CRK: variants seen among roughly 807,000 people sequenced by gnomAD.
The protein encoded by CRK is CRK proto-oncogene, adaptor protein, also known as adapter molecule crk.
Under a neutral mutation model 29.8 loss-of-function variants are expected in CRK, and 4 were observed. That is an observed-to-expected ratio of 0.13 (90% CI 0.07 to 0.31). CRK has a LOEUF of 0.31. CRK is among the 10% of genes least tolerant of loss of function. CRK has a pLI of 1.00. For synonymous variants in CRK, 153 were observed against 164.9 expected, an observed-to-expected ratio of 0.93 and a Z score of 0.55; for missense variants, 274 against 396.5, an observed-to-expected ratio of 0.69 and a Z score of 2.62.
intron 1 of CRK, among the ~76,000 whole-genome samples, chr17:1,437,810 T>C (rs1445945338): frequency 6.7e-6 from 1 of 150,104 alleles, no homozygotes; most frequent in African/African-American, 2.5e-5. Flanking sequence ...CCCACCACCA[T>C]GACAAGCTAA....
intron 1 of CRK, among the ~76,000 whole-genome samples, chr17:1,442,553 A>G (rs187988939): frequency 8.0e-4 from 120 of 149,698 alleles, no homozygotes; most frequent in African/African-American, 2.8e-3. Flanking sequence ...GCATCCAGCC[A>G]TTATTAATTT....
intron 2 of CRK, among the ~76,000 whole-genome samples, chr17:1,431,508 T>A (rs1464007077): frequency 6.6e-6 from 1 of 151,724 alleles, no homozygotes; most frequent in Non-Finnish European, 1.5e-5. Flanking sequence ...GGTCACGAGG[T>A]CAGGAGATCG....
intron 1 of CRK, among the ~76,000 whole-genome samples, chr17:1,442,907 T>C (rs1312616879): frequency 6.6e-6 from 1 of 151,124 alleles, no homozygotes; most frequent in African/African-American, 2.4e-5. Context: ...GTGCCTGGTA[T>C]GTGACAGGGT....
chr17:1,446,650 G>A (rs2073977237), intron 1 of CRK, among the ~76,000 whole-genome samples: 1 of 143,176 alleles, frequency 7.0e-6, no homozygotes, highest in African/African-American at 2.6e-5. Context: ...GGACTGCAGT[G>A]GCGCCATCTC....
intron 2 of CRK, among the ~76,000 whole-genome samples, chr17:1,426,002 CAA>C (rs1368908132): frequency 2.0e-5 from 3 of 152,070 alleles, no homozygotes; most frequent in African/African-American, 4.8e-5. Flanking sequence ...GCAGCCCTGG[CAA>C]AAGAGTGAGA....
chr17:1,452,025 C>T lies in CRK; in HGVS notation c.241+3852G>A, dbSNP rs190321677. Among the ~76,000 whole-genome samples the T allele has an allele frequency of 7.0e-3, 1,070 of 152,108 alleles. 8 individuals carry two copies. The highest frequency in any genetic ancestry group is 0.03 in the South Asian group (147 of 4,820). Reference sequence around the variant, plus strand: ...ACAAAAAACACCAAGTCTTAGACTCCAGGGCAGAGGCAAAGTATTGAGGAT... The same window carrying T: ...ACAAAAAACACCAAGTCTTAGACTCTAGGGCAGAGGCAAAGTATTGAGGAT... On this transcript the variant is annotated intron_variant, in intron 1 of 2. Coordinates refer to ENST00000300574, the MANE Select transcript of CRK (RefSeq NM_016823.4).
intron 1 of CRK, among the ~76,000 whole-genome samples, chr17:1,440,464 TAAAAAA>T (rs1280310960): frequency 6.6e-6 from 1 of 151,192 alleles, no homozygotes; most frequent in African/African-American, 2.4e-5. Flanking sequence ...CCTTGACTCT[TAAAAAA>T]AGAAAAAATA....
intron 2 of CRK, chr17:1,424,721 C>T (rs1246052410): frequency 1.3e-5 from 2 of 152,218 alleles, no homozygotes; most frequent in Non-Finnish European, 2.9e-5. Flanking sequence ...TCAAAAAAAC[C>T]AACCATGGCC....
intron 1 of CRK, among the ~76,000 whole-genome samples, chr17:1,446,084 A>C (rs767371338): frequency 4.6e-5 from 7 of 152,144 alleles, no homozygotes; most frequent in Admixed American, 1.3e-4. Context: ...TAATAAGCCT[A>C]ACTCTGAAGT....
intron 1 of CRK, among the ~76,000 whole-genome samples, chr17:1,450,252 T>TA (rs571763913): frequency 6.6e-6 from 1 of 152,112 alleles, no homozygotes; most frequent in South Asian, 2.1e-4. Context: ...CTCAGGCCTG[T>TA]AATCCCAGCA....
At chr17:1,433,198 T>C (rs2073860066) in intron 2 of CRK, among the ~76,000 whole-genome samples, 1 of 152,150 alleles carries the variant, frequency 6.6e-6, no homozygotes, top group African/African-American at 2.4e-5. Flanking sequence ...GGTATCAATG[T>C]TTGGAATTCA....
At chr17:1,434,864 C>T (rs559480678) in intron 2 of CRK, among the ~76,000 whole-genome samples, 1 of 148,624 alleles carries the variant, frequency 6.7e-6, no homozygotes, top group Non-Finnish European at 1.5e-5. Context: ...AATCATAAAA[C>T]TAGTTTTCTA....
chr17:1,430,145 A>C (rs1423830176), intron 2 of CRK, among the ~76,000 whole-genome samples: 2 of 143,460 alleles, frequency 1.4e-5, no homozygotes, highest in African/African-American at 2.6e-5. Flanking sequence ...CCCGGGTTCA[A>C]GTGATTCTCC....
intron 2 of CRK, among the ~76,000 whole-genome samples, chr17:1,428,591 T>A (rs1010198858): frequency 1.7e-4 from 23 of 139,308 alleles, no homozygotes; most frequent in Non-Finnish European, 2.9e-4. Flanking sequence ...TGGCATGATC[T>A]CAGCTCACTG....
chr17:1,441,617 G>A (rs1050400894), intron 1 of CRK, among the ~76,000 whole-genome samples: 7 of 150,074 alleles, frequency 4.7e-5, no homozygotes, highest in Admixed American at 4.0e-4. Flanking sequence ...TCAGCCTCCC[G>A]AGTAGCTGGG....
At position 1,456,077 on chromosome 17, in the gene CRK, T is replaced by A. The variant is rs996619270; in HGVS notation, c.41A>T (p.Tyr14Phe). The change falls in exon 1 of 3, where the codon TAC becomes TTC. Residue 14 changes from tyrosine to phenylalanine, a missense_variant. Physicochemically the swap from Tyr to Phe is conservative, Grantham distance 22. Coordinates refer to ENST00000300574, the MANE Select transcript of CRK (RefSeq NM_016823.4). ...CTCCTGCCGACTCAACCTCCCCCAG[T>A]ACCAGCTACTCCGCTCCTCCGAGTC... ...NFDSEERSSW[Y>F]WGRLSRQEAV... is the part of the protein sequence containing the mutation. 6.3e-7 allele frequency: 1 copy of A among 1,583,420 alleles called. No individual in the cohort carries two copies. The highest frequency in any genetic ancestry group is 1.4e-5 in the African/African-American group (1 of 71,478).
chr17:1,439,319 G>A (rs1024963682), intron 1 of CRK, among the ~76,000 whole-genome samples: 1 of 152,014 alleles, frequency 6.6e-6, no homozygotes, highest in Non-Finnish European at 1.5e-5. Flanking sequence ...GGATGGTCTC[G>A]ATCTCCTGAC....
chr17:1,451,293 C>T (rs1297078506), intron 1 of CRK, among the ~76,000 whole-genome samples: 2 of 151,214 alleles, frequency 1.3e-5, no homozygotes, highest in Non-Finnish European at 2.9e-5. Context: ...GCCAGTGGCA[C>T]GATCTCAGCT....
intron 1 of CRK, among the ~76,000 whole-genome samples, chr17:1,446,303 G>A (rs756914977): frequency 1.3e-5 from 2 of 152,130 alleles, no homozygotes; most frequent in East Asian, 1.9e-4. Flanking sequence ...ACTGTGTCCT[G>A]AGATACAACA....
Sources: gnomAD v4.1 joint callset for allele counts (sites outside exome capture counted in the v4.1 genomes callset) on GRCh38, gnomAD v4.1.1 for gene constraint, MANE v1.5 for transcripts, NCBI Gene and HGNC (gene_info 2026-07-23, HGNC 2026-07-21) for gene names.